RBFOX1: variants seen among roughly 807,000 people sequenced by gnomAD.
RBFOX1 encodes RNA binding fox-1 homolog 1.
A neutral mutation model predicts 57.7 loss-of-function variants in RBFOX1; 8 were observed. The observed-to-expected ratio is 0.14, with a 90% CI of 0.08 to 0.25. The LOEUF is 0.25. Among genes scored for constraint, RBFOX1 ranks in the 10% least tolerant of loss-of-function variants. RBFOX1 has a pLI of 1.00. For missense variants in RBFOX1, 611 were observed against 548.5 expected (o/e 1.11, Z -1.14); for synonymous variants, 326 against 222.4 (o/e 1.47, Z -4.15).
At chr16:6,618,168 G>C (rs1361166998) in intron 2 of RBFOX1, among the ~76,000 whole-genome samples, 2 of 152,120 alleles carry the variant, frequency 1.3e-5, no homozygotes, top group Non-Finnish European at 2.9e-5. Flanking sequence ...GGGTTAGTTT[G>C]GGTCTGACTC....
At chr16:6,926,166 G>T (rs1002976614) in intron 3 of RBFOX1, among the ~76,000 whole-genome samples, 1 of 152,068 alleles carries the variant, frequency 6.6e-6, no homozygotes, top group African/African-American at 2.4e-5. Context: ...AACTAGCTGG[G>T]CATGGTGGTG....
intron 10 of RBFOX1, among the ~76,000 whole-genome samples, chr16:7,613,612 C>T (rs1407469183): frequency 2.0e-5 from 3 of 151,828 alleles, no homozygotes; most frequent in East Asian, 3.9e-4. Context: ...TGTATTTGAC[C>T]TCGGATTTAC....
intron 4 of RBFOX1, among the ~76,000 whole-genome samples, chr16:5,873,374 C>T (rs1255381301): frequency 6.6e-6 from 1 of 152,160 alleles, no homozygotes; most frequent in Admixed American, 6.5e-5. Context: ...ACTTGAAGAT[C>T]AGCAGTACTT....
At chr16:6,657,779 G>C (rs1444090399) in intron 3 of RBFOX1, among the ~76,000 whole-genome samples, 1 of 152,130 alleles carries the variant, frequency 6.6e-6, no homozygotes, top group African/African-American at 2.4e-5. Flanking sequence ...TTTTACGACT[G>C]TTGAGAGCTC....
chr16:6,306,518 C>T (rs1472414351), intron 1 of RBFOX1, among the ~76,000 whole-genome samples: 2 of 152,156 alleles, frequency 1.3e-5, no homozygotes, highest in Non-Finnish European at 2.9e-5. Flanking sequence ...AATCCTTTGG[C>T]CTTCTTAATA....
intron 4 of RBFOX1, among the ~76,000 whole-genome samples, chr16:7,234,046 A>G (rs1302549581): frequency 6.6e-6 from 1 of 152,196 alleles, no homozygotes; most frequent in Non-Finnish European, 1.5e-5. Flanking sequence ...TTACATTATC[A>G]TGAGAAGAGA....
In RBFOX1 at chr16:7,017,280, A is replaced by C. The variant is rs117740039; in HGVS notation, c.-15-34777A>C. 2.0e-3 allele frequency among the ~76,000 whole-genome samples: 308 copies of C among 152,268 alleles called. 4 individuals carry two copies. In the East Asian group the frequency reaches 0.022, roughly 11 times the overall value. ...GTGCTCTGCCAAGGCCCAAGTATAG[A>C]ATGATGGCAAATAATGGAAATTTAT... On this transcript the variant is annotated intron_variant, in intron 3 of 15. Coordinates refer to ENST00000550418, the MANE Select transcript of RBFOX1 (RefSeq NM_018723.4).
chr16:6,657,175 C>A (rs1170984547), intron 3 of RBFOX1, among the ~76,000 whole-genome samples: 1 of 150,648 alleles, frequency 6.6e-6, no homozygotes, highest in Non-Finnish European at 1.5e-5. Context: ...TTCCCTTTTT[C>A]TCTCCTCCTT....
intron 3 of RBFOX1, among the ~76,000 whole-genome samples, chr16:5,714,445 C>T (rs8058924): frequency 2.0e-5 from 3 of 151,950 alleles, no homozygotes; most frequent in Admixed American, 2.0e-4. Flanking sequence ...AGCTGAAGCT[C>T]GAAGAGACCA....
intron 3 of RBFOX1, among the ~76,000 whole-genome samples, chr16:6,790,572 T>C (rs2082753914): frequency 6.6e-6 from 1 of 152,170 alleles, no homozygotes; most frequent in African/African-American, 2.4e-5. Flanking sequence ...CCCCAAACCA[T>C]TGTTTTCCCA....
At chr16:5,607,071 C>T (rs894513403) in intron 3 of RBFOX1, among the ~76,000 whole-genome samples, 1 of 152,142 alleles carries the variant, frequency 6.6e-6, no homozygotes, top group Non-Finnish European at 1.5e-5. Context: ...CTTGGTCCCT[C>T]CTGGGCATTT....
intron 2 of RBFOX1, among the ~76,000 whole-genome samples, chr16:6,340,816 G>A (rs112944303): frequency 3.9e-5 from 6 of 152,044 alleles, no homozygotes; most frequent in Non-Finnish European, 5.9e-5. Flanking sequence ...CTCCTTTTAC[G>A]CAGCCCCTAT....
At chr16:6,906,288 T>G (rs2069909745) in intron 3 of RBFOX1, among the ~76,000 whole-genome samples, 3 of 152,076 alleles carry the variant, frequency 2.0e-5, no homozygotes, top group African/African-American at 7.2e-5. Context: ...GATTAAATAT[T>G]TATGTCTGTT....
chr16:5,803,700 A>G (rs1435648124), intron 3 of RBFOX1, among the ~76,000 whole-genome samples: 3 of 152,182 alleles, frequency 2.0e-5, no homozygotes, highest in South Asian at 2.1e-4. Context: ...AAGGTACCAT[A>G]CTAGGCACAG....
intron 3 of RBFOX1, among the ~76,000 whole-genome samples, chr16:5,859,177 C>A (rs1301150644): frequency 6.6e-6 from 1 of 152,162 alleles, no homozygotes. Flanking sequence ...GGCACTCCAG[C>A]CTGGGCGACA....
chr16:6,260,627 C>T (rs1178267163), intron 1 of RBFOX1, among the ~76,000 whole-genome samples: 1 of 152,166 alleles, frequency 6.6e-6, no homozygotes, highest in East Asian at 1.9e-4. Context: ...CCTGTAATCC[C>T]AGCACTTTGG....
At chr16:6,242,780 A>G (rs1335744994) in intron 1 of RBFOX1, among the ~76,000 whole-genome samples, 4 of 152,116 alleles carry the variant, frequency 2.6e-5, no homozygotes, top group Non-Finnish European at 4.4e-5. Context: ...AGGCACCCAG[A>G]TAATAAACAC....
intron 4 of RBFOX1, among the ~76,000 whole-genome samples, chr16:7,358,116 T>G (rs1279219162): frequency 6.6e-6 from 1 of 152,206 alleles, no homozygotes; most frequent in Non-Finnish European, 1.5e-5. Flanking sequence ...CACTTCTTAC[T>G]GATTAACTTT....
At chr16:5,495,270 A>C (rs976418822) in intron 2 of RBFOX1, among the ~76,000 whole-genome samples, 6 of 152,154 alleles carry the variant, frequency 3.9e-5, no homozygotes, top group Admixed American at 3.9e-4. Flanking sequence ...GCCTAGCAAA[A>C]CTTTGGATAC....
Sources: allele counts gnomAD v4.1 joint callset (sites outside exome capture counted in the v4.1 genomes callset), GRCh38; gene constraint gnomAD v4.1.1; transcripts MANE v1.5; gene names NCBI Gene and HGNC (gene_info 2026-07-23, HGNC 2026-07-21).